The following SATB1 variants were observed in gnomAD, a reference collection of about 807,000 sequenced individuals.
SATB1 encodes DNA-binding protein SATB1.
Under a neutral mutation model 86.9 loss-of-function variants are expected in SATB1, and 11 were observed. That is an observed-to-expected ratio of 0.13 (90% CI 0.08 to 0.21). The LOEUF is 0.21. SATB1 is among the 10% of genes least tolerant of loss of function. SATB1 has a pLI of 1.00. For synonymous variants in SATB1, 357 were observed against 357.2 expected, an observed-to-expected ratio of 1.00 and a Z score of 0.01; for missense variants, 551 against 937.6, an observed-to-expected ratio of 0.59 and a Z score of 5.39.
At chr3:18,370,455 G>T (rs1337960850) in intron 9 of SATB1, among the ~76,000 whole-genome samples, 1 of 114,104 alleles carries the variant, frequency 8.8e-6, no homozygotes, top group Admixed American at 1.3e-4. Flanking sequence ...TAAAATTGGG[G>T]AAAAGTATCT....
chr3:18,430,714 G>C (rs1246106718), intron 2 of SATB1, among the ~76,000 whole-genome samples: 1 of 152,134 alleles, frequency 6.6e-6, no homozygotes. Context: ...CTAAATATAG[G>C]GTTTAAGGAT....
At position 18,394,672 on chromosome 3, in the gene SATB1, T is replaced by C. The variant is rs1696868951; in HGVS notation, c.996A>G (p.Ala332=). The C allele has an allele frequency of 6.2e-7, 1 of 1,614,186 alleles. No individual in the cohort carries two copies. Among genetic ancestry groups the C allele is most frequent in the Non-Finnish European group, 8.5e-7 (1 of 1,180,036 alleles). Residue 332 remains alanine (A), a synonymous_variant, in exon 7 of 11, where the codon GCA becomes GCG. Transcript: ENST00000338745. The surrounding 1 kb of genome is among the most constrained non-coding windows in gnomAD (Gnocchi z 5.9). The part of the protein sequence containing the change: ...VMAQLLNQQY[A]VNRLLAQQSL... The stretch of plus-strand genomic sequence containing the variant: ...ACTGCTGGGCTAAAAGTCTATTCAC[T>C]GCATACTGCTGGTTCAGCAGCTGAG...
intron 8 of SATB1, among the ~76,000 whole-genome samples, chr3:18,385,201 C>A (rs148701951): frequency 1.3e-5 from 2 of 152,074 alleles, no homozygotes; most frequent in East Asian, 1.9e-4. Flanking sequence ...GAAGTAAAAT[C>A]GAGATACAAT....
chr3:18,381,075 A>G (rs1696033586), intron 8 of SATB1, among the ~76,000 whole-genome samples: 1 of 152,216 alleles, frequency 6.6e-6, no homozygotes, highest in African/African-American at 2.4e-5. Flanking sequence ...GCGCCGGGGA[A>G]GTAGTTAAGA....
chr3:18,365,337 A>G (rs1388415609), intron 9 of SATB1, among the ~76,000 whole-genome samples: 1 of 152,162 alleles, frequency 6.6e-6, no homozygotes, highest in African/African-American at 2.4e-5. Context: ...GAACACCAAC[A>G]AGTTTTTCCA....
At position 18,394,316 on chromosome 3, in the gene SATB1, G is replaced by T; in HGVS notation, c.1206+146C>A. ...TAGGAAAAGGAGTGGTAAAATTGAGGCTCCACCAGGAATAGGTAATATGAT... is the reference window on the plus strand; with the variant it reads ...TAGGAAAAGGAGTGGTAAAATTGAGTCTCCACCAGGAATAGGTAATATGAT... On this transcript the variant is annotated intron_variant, in intron 7 of 10. Transcript: ENST00000338745. The surrounding 1 kb of genome is among the most constrained non-coding windows in gnomAD (Gnocchi z 5.9). 1 of 697,222 alleles carries T rather than the reference G, an allele frequency of 1.4e-6. No individual in the cohort carries two copies. Among genetic ancestry groups the T allele is most frequent in the Non-Finnish European group, 2.4e-6 (1 of 416,392 alleles). 43.2% of individuals were successfully genotyped at this position (697,222 alleles called of 1,614,324 possible). A position where few individuals can be genotyped will look rare whatever the true frequency, so the allele number is the denominator to read the frequency against.
chr3:18,404,307 A>C (rs1310945546), intron 5 of SATB1, among the ~76,000 whole-genome samples: 2 of 152,016 alleles, frequency 1.3e-5, no homozygotes, highest in African/African-American at 2.4e-5. Flanking sequence ...TTTCTAAGCT[A>C]TTCTCTTGGG....
intron 2 of SATB1, 105 bp from the exon 3 acceptor site, chr3:18,417,183 G>A (rs1260267266): frequency 1.7e-6 from 2 of 1,149,442 alleles, no homozygotes; most frequent in African/African-American, 3.1e-5. Flanking sequence ...ATAATCACAA[G>A]AGATTCACTG....
intron 6 of SATB1, among the ~76,000 whole-genome samples, chr3:18,396,410 A>G (rs1696968145): frequency 6.6e-6 from 1 of 152,224 alleles, no homozygotes; most frequent in Non-Finnish European, 1.5e-5. Flanking sequence ...GAAAGAGAAC[A>G]GTAATAAAAA....
intron 9 of SATB1, among the ~76,000 whole-genome samples, chr3:18,363,060 T>C (rs1269016551): frequency 6.6e-6 from 1 of 152,140 alleles, no homozygotes; most frequent in Non-Finnish European, 1.5e-5. Context: ...TGCATGTATA[T>C]CCTAAAATGA....
At chr3:18,361,226 T>C (rs1315484523) in intron 9 of SATB1, among the ~76,000 whole-genome samples, 1 of 152,122 alleles carries the variant, frequency 6.6e-6, no homozygotes, top group Non-Finnish European at 1.5e-5. Flanking sequence ...TTCTACCATT[T>C]ATCATAGCCT....
In SATB1 at chr3:18,404,915, A is replaced by T. The variant is rs1312321169; in HGVS notation, c.640-7625T>A. ...ACACAGAAGCTGTAACATGAAGGGAACTGAACTAGATAATCTCCAACGTCT... is the reference window on the plus strand; with the variant it reads ...ACACAGAAGCTGTAACATGAAGGGATCTGAACTAGATAATCTCCAACGTCT... On this transcript the variant is annotated intron_variant, in intron 5 of 10. Coordinates refer to ENST00000338745, the MANE Select transcript of SATB1 (RefSeq NM_002971.6). 2.6e-5 allele frequency among the ~76,000 whole-genome samples: 4 copies of T among 152,014 alleles called. No individual in the cohort carries two copies. The East Asian group carries it at 7.8e-4, about 29-fold the overall frequency.
At position 18,352,530 on chromosome 3, in the gene SATB1, T is replaced by C. The variant is rs1436400357; in HGVS notation, c.1576-335A>G. 1.7e-5 allele frequency: 4 copies of C among 235,274 alleles called. No homozygotes were observed. The highest frequency in any genetic ancestry group is 8.9e-5 in the African/African-American group (4 of 44,866). 14.6% of individuals were successfully genotyped at this position (235,274 alleles called of 1,614,324 possible). ...GTGCTTCAGTCTTGCACAACTTTGC[T>C]ATCTGACGAGTGGCTGGCCATCTGA... On this transcript the variant is annotated intron_variant, in intron 9 of 10. Transcript: ENST00000338745. The surrounding 1 kb of genome is among the most constrained non-coding windows in gnomAD (Gnocchi z 4.1).
At chr3:18,427,800 G>A (rs1009075972), upstream of SATB1, among the ~76,000 whole-genome samples, 1 of 152,066 alleles carries the variant, frequency 6.6e-6, no homozygotes, top group Non-Finnish European at 1.5e-5. Context: ...GAGCATAAAG[G>A]CATCTAAGAA....
chr3:18,392,291 T>C (rs1696718210), intron 7 of SATB1, among the ~76,000 whole-genome samples: 1 of 152,144 alleles, frequency 6.6e-6, no homozygotes, highest in Non-Finnish European at 1.5e-5. Context: ...TTGCCTTTCT[T>C]CCAGTAACAA....
At chr3:18,436,185 C>T (rs1699054720) in intron 2 of SATB1, among the ~76,000 whole-genome samples, 1 of 152,068 alleles carries the variant, frequency 6.6e-6, no homozygotes, top group Admixed American at 6.6e-5. Context: ...TGTATTTAAG[C>T]TGCAATGAAA....
chr3:18,405,064 G>C (rs1445286309), intron 5 of SATB1, among the ~76,000 whole-genome samples: 2 of 151,926 alleles, frequency 1.3e-5, no homozygotes, highest in Non-Finnish European at 2.9e-5. Flanking sequence ...TCTCCAACTA[G>C]AGTCTTATTT....
chr3:18,410,986 T>C, intron 5 of SATB1: 1 of 394,936 alleles, frequency 2.5e-6, no homozygotes, highest in Non-Finnish European at 4.5e-6. Context: ...GAGCACGAGG[T>C]AGTTTCTTTT....
rs192784728 is a variant in SATB1, at chr3:18,380,563, T to A, written c.1420-2238A>T. Among the ~76,000 whole-genome samples, 1,293 of 152,088 alleles carry A rather than the reference T, an allele frequency of 8.5e-3. 19 individuals carry two copies. Among genetic ancestry groups the A allele is most frequent in the African/African-American group, 0.027 (1,138 of 41,518 alleles). On this transcript the variant is annotated intron_variant, in intron 8 of 10. Transcript: ENST00000338745. ...AAAGTATACAAGAAATATTTTTTTT[T>A]AAAAAAAGAATGTGAGGGTGAAACT...
Sources: allele counts gnomAD v4.1 joint callset (sites outside exome capture counted in the v4.1 genomes callset), GRCh38; gene constraint gnomAD v4.1.1; non-coding constraint Gnocchi (gnomAD v3.1); transcripts MANE v1.5; gene names NCBI Gene and HGNC (gene_info 2026-07-23, HGNC 2026-07-21).